Variants in UBTD2 observed in about 807,000 individuals in gnomAD.
The protein encoded by UBTD2 is ubiquitin domain-containing protein 2.
Under a neutral mutation model 19.8 loss-of-function variants are expected in UBTD2, and 9 were observed. The observed-to-expected ratio is 0.46, with a 90% CI of 0.27 to 0.79. The LOEUF (loss-of-function observed/expected upper bound fraction) is 0.79, where lower values mean the gene tolerates loss of function less well. Ranked by LOEUF, UBTD2 falls within the 30% of genes least tolerant of loss-of-function variation. The pLI, the probability that UBTD2 is intolerant of heterozygous loss-of-function variation, is 0.14. For missense variants in UBTD2, 250 were observed against 300.4 expected (o/e 0.83, Z 1.24); for synonymous variants, 98 against 103.9 (o/e 0.94, Z 0.35).
At chr5:172,242,450 G>A (rs1475545720) in intron 1 of UBTD2, 1 of 985,180 alleles carries the variant, frequency 1.0e-6, no homozygotes, top group Non-Finnish European at 1.2e-6. Context: ...TTTCTCAGCT[G>A]GGGACAGTTT....
At chr5:172,262,295 C>G (rs1424237289) in intron 1 of UBTD2, among the ~76,000 whole-genome samples, 1 of 151,140 alleles carries the variant, frequency 6.6e-6, no homozygotes, top group African/African-American at 2.4e-5. Context: ...ACTAAAAATA[C>G]AAAAATTAGC....
chr5:172,212,088 T>G lies in UBTD2; in HGVS notation c.447A>C (p.Gly149=), dbSNP rs1771460524. 6.2e-7 allele frequency: 1 copy of G among 1,614,082 alleles called. No homozygotes were observed. Among genetic ancestry groups the G allele is most frequent in the Non-Finnish European group, 8.5e-7 (1 of 1,180,042 alleles). Residue 149 remains glycine, a synonymous_variant, in exon 3 of 3, where the codon GGA becomes GGC. Transcript: ENST00000393792. ...GGCGCAAACGAAGCTGACATTCATA[T>G]CCAGAATTGGGTGGTGGCTCAGGAA... ...LDIPEPPPNS[G]YECQLRLRLS...
chr5:172,226,287 C>CA (rs70982376), intron 2 of UBTD2, among the ~76,000 whole-genome samples: 14,386 of 152,156 alleles, frequency 0.095, 760 homozygotes, highest in South Asian at 0.16. Flanking sequence ...GATAGAGGGA[C>CA]ATAAGACTCC....
At chr5:172,246,549 G>A (rs1247237328) in intron 1 of UBTD2, among the ~76,000 whole-genome samples, 2 of 144,762 alleles carry the variant, frequency 1.4e-5, no homozygotes, top group African/African-American at 5.1e-5. Context: ...GGTCCAAGCA[G>A]TTCTCCTGCC....
chr5:172,218,729 A>G (rs2113875462), intron 2 of UBTD2, among the ~76,000 whole-genome samples: 1 of 149,976 alleles, frequency 6.7e-6, no homozygotes, highest in South Asian at 2.1e-4. Context: ...GGCTGCAGTG[A>G]GCTGTGATCT....
intron 1 of UBTD2, among the ~76,000 whole-genome samples, chr5:172,280,957 T>C (rs1453538603): frequency 6.6e-6 from 1 of 152,240 alleles, no homozygotes; most frequent in African/African-American, 2.4e-5. Context: ...GTATTTCAAA[T>C]GGTCAAAAGA....
intron 1 of UBTD2, among the ~76,000 whole-genome samples, chr5:172,255,732 C>T (rs1314691703): frequency 6.6e-6 from 1 of 152,090 alleles, no homozygotes; most frequent in Non-Finnish European, 1.5e-5. Flanking sequence ...CCGGGGCTGG[C>T]AGGGTAAGAA....
intron 1 of UBTD2, among the ~76,000 whole-genome samples, chr5:172,263,934 C>T (rs988719288): frequency 2.0e-5 from 3 of 150,956 alleles, no homozygotes; most frequent in Non-Finnish European, 4.4e-5. Context: ...GCACTCCTCC[C>T]GCTTCAGCCT....
chr5:172,234,856 CA>C (rs1771975652), intron 1 of UBTD2, among the ~76,000 whole-genome samples: 1 of 70,156 alleles, frequency 1.4e-5, no homozygotes, highest in Non-Finnish European at 2.9e-5. Flanking sequence ...TGCAGTGAGC[CA>C]TGATCATGCC....
At chr5:172,228,696 G>C (rs939621921) in intron 2 of UBTD2, among the ~76,000 whole-genome samples, 2 of 151,936 alleles carry the variant, frequency 1.3e-5, no homozygotes, top group Non-Finnish European at 2.9e-5. Flanking sequence ...ACTCCAGCCT[G>C]GGTGACAGAG....
chr5:172,231,320 G>A (rs1242011138), intron 2 of UBTD2, among the ~76,000 whole-genome samples: 1 of 152,234 alleles, frequency 6.6e-6, no homozygotes, highest in Non-Finnish European at 1.5e-5. Context: ...TTATCACAGA[G>A]TTTTGAAAGA....
chr5:172,212,329 T>C, intron 2 of UBTD2, 102 bp from the exon 3 acceptor site: 3 of 1,291,144 alleles, frequency 2.3e-6, no homozygotes, highest in East Asian at 2.4e-5. Flanking sequence ...CATGGCACTG[T>C]AGAGAAAAAA....
Position 172,264,081 on chromosome 5 carries a change from T to A in UBTD2, c.70+19515A>T, listed in dbSNP as rs1200908498. 4.6e-5 allele frequency among the ~76,000 whole-genome samples: 7 copies of A among 152,244 alleles called. No homozygotes were observed. In the East Asian group the frequency reaches 1.2e-3, roughly 25 times the overall value. The stretch of plus-strand genomic sequence containing the variant: ...AATAAAATTAGTCTTTGGTATTTTA[T>A]TTACTTTTGTTTTTTTTGAAACAGG... On this transcript the variant is annotated intron_variant, in intron 1 of 2. Transcript: ENST00000393792.
intron 1 of UBTD2, among the ~76,000 whole-genome samples, chr5:172,280,112 A>AG (rs1334752188): frequency 1.3e-5 from 2 of 151,840 alleles, no homozygotes; most frequent in South Asian, 2.1e-4. Context: ...CAAAAAAAAA[A>AG]AAGTCAAAAC....
chr5:172,227,300 T>C (rs1295334708), intron 2 of UBTD2, among the ~76,000 whole-genome samples: 3 of 152,196 alleles, frequency 2.0e-5, no homozygotes, highest in Non-Finnish European at 4.4e-5. Context: ...GAGGAATAGA[T>C]AAACTGGAAT....
intron 1 of UBTD2, among the ~76,000 whole-genome samples, chr5:172,280,386 C>T (rs1254198190): frequency 1.3e-5 from 2 of 151,128 alleles, no homozygotes; most frequent in South Asian, 2.1e-4. Flanking sequence ...GGTGGGCACC[C>T]GTAATCCCAG....
At chr5:172,232,828 G>C (rs1318447418) in intron 2 of UBTD2, among the ~76,000 whole-genome samples, 1 of 152,066 alleles carries the variant, frequency 6.6e-6, no homozygotes, top group Non-Finnish European at 1.5e-5. Context: ...AGGCTGCAAT[G>C]AGCTGTCATC....
At chr5:172,250,353 T>C (rs1754976630) in intron 1 of UBTD2, among the ~76,000 whole-genome samples, 1 of 152,234 alleles carries the variant, frequency 6.6e-6, no homozygotes, top group African/African-American at 2.4e-5. Flanking sequence ...TTGCCCTACA[T>C]GATCAAAGTT....
intron 1 of UBTD2, among the ~76,000 whole-genome samples, chr5:172,247,595 T>C (rs887017043): frequency 6.6e-6 from 1 of 152,158 alleles, no homozygotes; most frequent in Non-Finnish European, 1.5e-5. Flanking sequence ...AAGACAAACA[T>C]TTTTACTAAA....
Sources: allele counts gnomAD v4.1 joint callset (sites outside exome capture counted in the v4.1 genomes callset), GRCh38; gene constraint gnomAD v4.1.1; transcripts MANE v1.5; gene names NCBI Gene and HGNC (gene_info 2026-07-23, HGNC 2026-07-21).